Variants in RPL10A observed in about 807,000 individuals in gnomAD.
RPL10A encodes large ribosomal subunit protein uL1.
Under a neutral mutation model 24.6 loss-of-function variants are expected in RPL10A, and 11 were observed. The ratio of observed to expected loss-of-function variants is 0.45; its 90% CI spans 0.28 to 0.74. The LOEUF (loss-of-function observed/expected upper bound fraction) is 0.74, where lower values mean the gene tolerates loss of function less well. Among genes scored for constraint, RPL10A ranks in the 30% least tolerant of loss-of-function variants. RPL10A has a pLI of 0.13. For missense variants in RPL10A, 136 were observed against 273.1 expected, an observed-to-expected ratio of 0.50 and a Z score of 3.54; for synonymous variants, 98 against 108.5, an observed-to-expected ratio of 0.90 and a Z score of 0.60.
At position 35,470,707 on chromosome 6, in the gene RPL10A, T is replaced by C. The variant is rs747849711; in HGVS notation, c.611T>C (p.Leu204Ser). ...AAAAACTGGCAGAATGTCCGGGCCTTATATATCAAGAGCACCATGGGCAAG... is the reference window on the plus strand; with the variant it reads ...AAAAACTGGCAGAATGTCCGGGCCTCATATATCAAGAGCACCATGGGCAAG... ...LKKNWQNVRA[L>S]YIKSTMGKPQ... Residue 204 changes from leucine (L) to serine (S), a missense_variant, in exon 6 of 6, where the codon TTA becomes TCA. Around this residue, in one of 3 missense-constraint regions of RPL10A, gnomAD observed 48 missense variants for 105.9 expected, o/e 0.45. Coordinates refer to ENST00000322203, the MANE Select transcript of RPL10A (RefSeq NM_007104.5). The surrounding 1 kb of genome is among the most constrained non-coding windows in gnomAD (Gnocchi z 4.6). 1 of 1,607,202 alleles carries C rather than the reference T, an allele frequency of 6.2e-7. No homozygotes were observed.
chr6:35,468,548 C>T, intron 1 of RPL10A, 109 bp downstream of exon 1: 1 of 1,606,060 alleles, frequency 6.2e-7, no homozygotes, highest in Non-Finnish European at 8.5e-7. Context: ...ACCTGCGCCG[C>T]GGGGCATTTC....
chr6:35,469,296 G>GT, intron 3 of RPL10A, 85 bp from the exon 4 acceptor site: 2 of 1,511,462 alleles, frequency 1.3e-6, no homozygotes, highest in Non-Finnish European at 1.8e-6. Context: ...GTAAGGCTCG[G>GT]TGGCTGCTGC....
At chr6:35,468,611 A>C in intron 1 of RPL10A, 172 bp downstream of exon 1, 1 of 1,537,078 alleles carries the variant, frequency 6.5e-7, no homozygotes, top group South Asian at 1.2e-5. Flanking sequence ...GATCACTGAG[A>C]GCCTCCCTCT....
At chr6:35,469,282 C>G in intron 3 of RPL10A, 99 bp from the exon 4 acceptor site, 1 of 1,508,638 alleles carries the variant, frequency 6.6e-7, no homozygotes, top group Non-Finnish European at 8.8e-7. Flanking sequence ...TGTGAACGCT[C>G]CGGGTAAGGC....
Position 35,468,932 on chromosome 6 carries a change from C to A in RPL10A, c.81-15C>A. 4 of 1,613,890 alleles carry A rather than the reference C, an allele frequency of 2.5e-6. No individual in the cohort carries two copies. Among genetic ancestry groups the A allele is most frequent in the Non-Finnish European group, 3.4e-6 (4 of 1,179,884 alleles). ...CGAGGGCCGGCGGGTGCTTAACCCC[C>A]CTCCTCTCTCGAAGGTTCCTGGAGA... On this transcript the variant is annotated splice_polypyrimidine_tract_variant and intron_variant, in intron 2 of 5. Coordinates refer to ENST00000322203, the MANE Select transcript of RPL10A (RefSeq NM_007104.5).
In RPL10A at chr6:35,470,094, C is replaced by G; in HGVS notation, c.311-85C>G. On this transcript the variant is annotated intron_variant, in intron 4 of 5. Coordinates refer to ENST00000322203, the MANE Select transcript of RPL10A (RefSeq NM_007104.5). This position sits in a 1 kb window ranked among gnomAD's most constrained non-coding sequence, Gnocchi z 4.6. ...TTGGAGGTCACTTACATGATTGATTCAAGTGCGTTTCTGGCCTGCCACATT... is the reference window on the plus strand; with the variant it reads ...TTGGAGGTCACTTACATGATTGATTGAAGTGCGTTTCTGGCCTGCCACATT... 3.9e-6 allele frequency: 5 copies of G among 1,281,214 alleles called. No homozygotes were observed. The highest frequency in any genetic ancestry group is 1.5e-5 in the African/African-American group (1 of 68,164). The allele number at this position is 1,281,214 out of a possible 1,614,324, so 79.4% of individuals were successfully genotyped here. A position where few individuals can be genotyped will look rare whatever the true frequency, so the allele number is the denominator to read the frequency against.
chr6:35,470,500 C>T lies in RPL10A; in HGVS notation c.484-80C>T. The T allele has an allele frequency of 6.6e-7, 1 of 1,516,972 alleles. No individual in the cohort carries two copies. Among genetic ancestry groups the T allele is most frequent in the Non-Finnish European group, 9.0e-7 (1 of 1,107,124 alleles). 94.0% of individuals were successfully genotyped at this position (1,516,972 alleles called of 1,614,324 possible). ...TGGCCCGGGTCCAAGTACCTGCTCACCAGGCCACTGGGGGAGGAAGGACAG... is the reference window on the plus strand; with the variant it reads ...TGGCCCGGGTCCAAGTACCTGCTCATCAGGCCACTGGGGGAGGAAGGACAG... On this transcript the variant is annotated intron_variant, in intron 5 of 5. Coordinates refer to ENST00000322203, the MANE Select transcript of RPL10A (RefSeq NM_007104.5). This position sits in a 1 kb window ranked among gnomAD's most constrained non-coding sequence, Gnocchi z 4.6.
Position 35,468,446 on chromosome 6 carries a change from T to G in RPL10A, c.5+7T>G. On this transcript the variant is annotated splice_region_variant and intron_variant, in intron 1 of 5. Transcript: ENST00000322203. ...CGGCGTGAGAAGCCATGAGGTGAGTTGGTCCTGAAAGCCCTATCCGCGTTC... is the reference window on the plus strand; with the variant it reads ...CGGCGTGAGAAGCCATGAGGTGAGTGGGTCCTGAAAGCCCTATCCGCGTTC... The G allele has an allele frequency of 6.2e-7, 1 of 1,614,044 alleles. No individual in the cohort carries two copies.
At chr6:35,469,236 C>T in intron 3 of RPL10A, 145 bp from the exon 4 acceptor site, 1 of 1,487,140 alleles carries the variant, frequency 6.7e-7, no homozygotes, top group Non-Finnish European at 8.9e-7. Context: ...CCGAGCCCGC[C>T]GGCCAGCCTG....
Position 35,470,584 on chromosome 6 carries a change from T to TA in RPL10A, c.489dup (p.Cys164MetfsTer15). 6.2e-7 allele frequency: 1 copy of TA among 1,613,788 alleles called. No homozygotes were observed. The highest frequency in any genetic ancestry group is 8.5e-7 in the Non-Finnish European group (1 of 1,179,742). On this transcript the variant is annotated frameshift_variant, in exon 6 of 6. Transcript: ENST00000322203. LOFTEE classifies it high-confidence loss of function. This position sits in a 1 kb window ranked among gnomAD's most constrained non-coding sequence, Gnocchi z 4.6. ...TCCTCTCTTCCCTCCTCCCAGGTGT[T>TA]ATGTCTGGCTGTAGCTGTTGGTCAC...
rs368313932 is a variant in RPL10A, at chr6:35,469,376, C to A, written c.162-5C>A. 3.6e-5 allele frequency: 58 copies of A among 1,597,926 alleles called. No individual in the cohort carries two copies. The African/African-American group carries it at 6.6e-4, about 18-fold the overall frequency. On this transcript the variant is annotated splice_polypyrimidine_tract_variant and splice_region_variant and intron_variant, in intron 3 of 5. Transcript: ENST00000322203. ...AACCTGTTGGTGCTGTCCCCCAAAA[C>A]GCAGGCTTAAGTCCACTCCCCGCCC...
intron 1 of RPL10A, 39 bp from the exon 2 acceptor site, chr6:35,468,760 C>T (rs1426911315): frequency 7.1e-6 from 11 of 1,557,930 alleles, no homozygotes; most frequent in Non-Finnish European, 7.8e-6. Context: ...AGCGTGTGGA[C>T]TCCGCGGCCC....
chr6:35,469,429 C>T lies in RPL10A; in HGVS notation c.210C>T (p.Asp70=), dbSNP rs369592320. 6 of 1,612,732 alleles carry T rather than the reference C, an allele frequency of 3.7e-6. No individual in the cohort carries two copies. Among genetic ancestry groups the T allele is most frequent in the Non-Finnish European group, 5.1e-6 (6 of 1,179,862 alleles). The change falls in exon 4 of 6, where the codon GAC becomes GAT. Residue 70 remains aspartate (D), a synonymous_variant. Coordinates refer to ENST00000322203, the MANE Select transcript of RPL10A (RefSeq NM_007104.5). ...AGTTCTCTGTGTGTGTCCTGGGGGA[C>T]CAGCAGCACTGTGACGAGGCTAAGG... is the stretch of plus-strand genomic sequence containing the variant. ...RPKFSVCVLG[D]QQHCDEAKAV...
chr6:35,469,561 G>A (rs1269705135), intron 4 of RPL10A, 32 bp downstream of exon 4: 2 of 1,604,512 alleles, frequency 1.2e-6, no homozygotes, highest in Non-Finnish European at 1.7e-6. Flanking sequence ...TTGCATGTGA[G>A]ATGTGTGGTG....
rs745785978 is a variant in RPL10A, at chr6:35,468,451, C to A, written c.5+12C>A. 1 of 1,614,044 alleles carries A rather than the reference C, an allele frequency of 6.2e-7. No homozygotes were observed. Among genetic ancestry groups the A allele is most frequent in the African/African-American group, 1.3e-5 (1 of 75,062 alleles). On this transcript the variant is annotated intron_variant, in intron 1 of 5. Coordinates refer to ENST00000322203, the MANE Select transcript of RPL10A (RefSeq NM_007104.5). ...TGAGAAGCCATGAGGTGAGTTGGTC[C>A]TGAAAGCCCTATCCGCGTTCATCCG...
intron 3 of RPL10A, 57 bp from the exon 4 acceptor site, chr6:35,469,324 C>T (rs1767972291): frequency 2.6e-6 from 4 of 1,528,956 alleles, no homozygotes; most frequent in Non-Finnish European, 1.8e-6. Flanking sequence ...GACCCTTCAC[C>T]GGCCCTTGGG....
At chr6:35,469,221 C>T (rs1164972702) in intron 3 of RPL10A, 160 bp from the exon 4 acceptor site, 4 of 1,479,402 alleles carry the variant, frequency 2.7e-6, no homozygotes, top group East Asian at 2.4e-5. Context: ...GTGGGTAGGC[C>T]TCGGCCGAGC....
chr6:35,468,504 G>C (rs1767911944), intron 1 of RPL10A, 65 bp downstream of exon 1: 6 of 1,610,862 alleles, frequency 3.7e-6, no homozygotes, highest in Non-Finnish European at 8.5e-7. Context: ...CCGAGGGTTC[G>C]GATCCTGTAG....
At position 35,470,702 on chromosome 6, in the gene RPL10A, G is replaced by A; in HGVS notation, c.606G>A (p.Arg202=). ...TCAAGAAAAACTGGCAGAATGTCCG[G>A]GCCTTATATATCAAGAGCACCATGG... ...SLLKKNWQNV[R]ALYIKSTMGK... The change falls in exon 6 of 6, where the codon CGG becomes CGA. Residue 202 remains arginine (R), a synonymous_variant. Coordinates refer to ENST00000322203, the MANE Select transcript of RPL10A (RefSeq NM_007104.5). The surrounding 1 kb of genome is among the most constrained non-coding windows in gnomAD (Gnocchi z 4.6). The A allele has an allele frequency of 2.5e-6, 4 of 1,607,958 alleles. No homozygotes were observed. Among genetic ancestry groups the A allele is most frequent in the Non-Finnish European group, 3.4e-6 (4 of 1,180,002 alleles).
Sources: allele counts gnomAD v4.1 joint callset, GRCh38; gene constraint gnomAD v4.1.1; regional missense constraint gnomAD v4.1.1; non-coding constraint Gnocchi (gnomAD v3.1); transcripts MANE v1.5; gene names NCBI Gene and HGNC (gene_info 2026-07-23, HGNC 2026-07-21).